Variants in NASP observed in about 807,000 individuals in gnomAD.
NASP encodes nuclear autoantigenic sperm protein.
A neutral mutation model predicts 89.5 loss-of-function variants in NASP; 24 were observed. The ratio of observed to expected loss-of-function variants is 0.27; its 90% CI spans 0.19 to 0.38. The LOEUF (loss-of-function observed/expected upper bound fraction) is 0.38, where lower values mean the gene tolerates loss of function less well. Among genes scored for constraint, NASP ranks in the 10% least tolerant of loss-of-function variants. NASP has a pLI of 1.00. For missense variants in NASP, 848 were observed against 921.4 expected, an observed-to-expected ratio of 0.92 and a Z score of 1.03; for synonymous variants, 306 against 324.7, an observed-to-expected ratio of 0.94 and a Z score of 0.62.
At chr1:45,599,522 G>A (rs1643783769) in intron 2 of NASP, among the ~76,000 whole-genome samples, 1 of 152,080 alleles carries the variant, frequency 6.6e-6, no homozygotes, top group African/African-American at 2.4e-5. Flanking sequence ...CTGCCTCCCT[G>A]GTTCAAGCAA....
At chr1:45,616,817 G>A in intron 13 of NASP, 114 bp downstream of exon 13, 1 of 1,025,000 alleles carries the variant, frequency 9.8e-7, no homozygotes, top group Non-Finnish European at 1.5e-6. Context: ...TTTTCCAAAG[G>A]TGGTAAGGAT....
At chr1:45,606,895 T>C (rs1643916245) in intron 5 of NASP, among the ~76,000 whole-genome samples, 1 of 152,258 alleles carries the variant, frequency 6.6e-6, no homozygotes, top group African/African-American at 2.4e-5. Context: ...TAAGTGTTTT[T>C]CTGATGCAAA....
In NASP at chr1:45,607,816, C is replaced by T. The variant is rs569085519; in HGVS notation, c.905C>T (p.Pro302Leu). ...AVEVEAESLD[P>L]TVKPVDVGGD... is the part of the protein sequence containing the mutation. ...GAGGTAGAAGCAGAGTCTTTAGACC[C>T]GACAGTCAAGCCAGTGGATGTGGGT... is the stretch of plus-strand genomic sequence containing the variant. Residue 302 changes from proline (P) to leucine (L), a missense_variant, in exon 6 of 15, where the codon CCG (proline) becomes CTG (leucine). Physicochemically the swap from Pro to Leu is moderately conservative, Grantham distance 98 (BLOSUM62 -3). Transcript: ENST00000350030. The T allele has an allele frequency of 1.9e-5, 31 of 1,613,996 alleles. No homozygotes were observed. The highest frequency in any genetic ancestry group is 2.3e-5 in the Non-Finnish European group (27 of 1,180,002).
At chr1:45,589,492 G>A (rs907658024) in intron 1 of NASP, among the ~76,000 whole-genome samples, 1 of 152,100 alleles carries the variant, frequency 6.6e-6, no homozygotes, top group Non-Finnish European at 1.5e-5. Flanking sequence ...ATTTCCTCTA[G>A]TACTTCTCTG....
chr1:45,607,095 A>G (rs989792506), intron 5 of NASP, among the ~76,000 whole-genome samples: 1 of 152,236 alleles, frequency 6.6e-6, no homozygotes, highest in Non-Finnish European at 1.5e-5. Flanking sequence ...ATGCTCAAGT[A>G]AAACAATACC....
chr1:45,611,100 C>T (rs1644000970), intron 6 of NASP: 1 of 152,144 alleles, frequency 6.6e-6, no homozygotes, highest in African/African-American at 2.4e-5. Context: ...GATGGATGGT[C>T]TTATTAACTC....
intron 6 of NASP, chr1:45,609,286 A>G (rs527656309): frequency 6.6e-6 from 1 of 152,302 alleles, no homozygotes; most frequent in East Asian, 1.9e-4. Context: ...CTACTTCAAG[A>G]GTTCTCGTAA....
chr1:45,588,509 A>T (rs1644590129), intron 1 of NASP: 1 of 302,508 alleles, frequency 3.3e-6, no homozygotes, highest in South Asian at 2.5e-5. Context: ...TCTGCCTTCC[A>T]AAGTGCAGGG....
At chr1:45,593,756 A>G (rs1328672123) in intron 2 of NASP, among the ~76,000 whole-genome samples, 1 of 151,464 alleles carries the variant, frequency 6.6e-6, no homozygotes, top group Non-Finnish European at 1.5e-5. Flanking sequence ...AGTAATCCCA[A>G]CACTTTGGGA....
intron 2 of NASP, among the ~76,000 whole-genome samples, chr1:45,600,949 C>A (rs1455211889): frequency 6.6e-6 from 1 of 152,134 alleles, no homozygotes; most frequent in Non-Finnish European, 1.5e-5. Context: ...ATGTTGGCAT[C>A]TTTTCATGTG....
intron 2 of NASP, among the ~76,000 whole-genome samples, chr1:45,595,733 A>G (rs1643679994): frequency 6.6e-6 from 1 of 152,234 alleles, no homozygotes; most frequent in Non-Finnish European, 1.5e-5. Context: ...GTTCTTCACT[A>G]TCACCTTCAC....
chr1:45,608,086 T>C lies in NASP; in HGVS notation c.1175T>C (p.Ile392Thr), dbSNP rs565006778. 1.5e-5 allele frequency: 24 copies of C among 1,613,988 alleles called. No homozygotes were observed. The highest frequency in any genetic ancestry group is 1.7e-4 in the Middle Eastern group (1 of 6,056). ...TCAGTTGTAGGAGATCAGACTCCTATTGAACCACAGACTTCTATAGAAAGA... is the reference window on the plus strand; with the variant it reads ...TCAGTTGTAGGAGATCAGACTCCTACTGAACCACAGACTTCTATAGAAAGA... ...GPSVVGDQTP[I>T]EPQTSIERLT... is the part of the protein sequence containing the mutation. The change falls in exon 6 of 15, where the codon ATT becomes ACT. Residue 392 changes from isoleucine to threonine, a missense_variant. Physicochemically the swap from Ile to Thr is moderately conservative, Grantham distance 89. Around this residue, in one of 5 missense-constraint regions of NASP, gnomAD observed 464 missense variants for 469.4 expected, o/e 0.99. Transcript: ENST00000350030.
chr1:45,589,267 A>G (rs1331047220), intron 1 of NASP, among the ~76,000 whole-genome samples: 3 of 152,140 alleles, frequency 2.0e-5, no homozygotes, highest in Non-Finnish European at 4.4e-5. Flanking sequence ...AGCTGGGACT[A>G]CAGGCATGTA....
intron 2 of NASP, among the ~76,000 whole-genome samples, chr1:45,599,881 A>G (rs78958925): frequency 0.011 from 1,617 of 151,860 alleles, 26 homozygotes; most frequent in African/African-American, 0.037. Context: ...CTGTTTCTCA[A>G]ATATTTTAAG....
At chr1:45,610,000 AC>A (rs1028263512) in intron 6 of NASP, 20 of 152,186 alleles carry the variant, frequency 1.3e-4, no homozygotes, top group African/African-American at 4.8e-4. Flanking sequence ...GAAGTTTGAG[AC>A]CAGCCTGGCC....
intron 1 of NASP, among the ~76,000 whole-genome samples, chr1:45,586,286 T>TGTGTGTGTGTGTGTGTG (rs1644544282): frequency 9.1e-5 from 8 of 88,338 alleles, no homozygotes; most frequent in African/African-American, 4.3e-4. Flanking sequence ...GTGTGTGTGG[T>TGTGTGTGTGTGTGTGTG]GTGTGTGTGT....
At position 45,584,135 on chromosome 1, in the gene NASP, C is replaced by T. The variant is rs1004602213; in HGVS notation, c.-12C>T. On this transcript the variant is annotated 5_prime_UTR_variant, in exon 1 of 15. Coordinates refer to ENST00000350030, the MANE Select transcript of NASP (RefSeq NM_002482.4). Reference sequence around the variant, plus strand: ...TCTATTCCGTTCGCTGGTTCGCCACCTCAGGGGAACGATGGCCATGGAGTC... The same window carrying T: ...TCTATTCCGTTCGCTGGTTCGCCACTTCAGGGGAACGATGGCCATGGAGTC... The T allele has an allele frequency of 2.5e-6, 4 of 1,588,212 alleles. No individual in the cohort carries two copies. The highest frequency in any genetic ancestry group is 2.3e-5 in the South Asian group (2 of 87,248).
chr1:45,613,151 A>C lies in NASP; in HGVS notation c.1427-18A>C. The C allele has an allele frequency of 6.3e-7, 1 of 1,599,328 alleles. No homozygotes were observed. Among genetic ancestry groups the C allele is most frequent in the South Asian group, 1.1e-5 (1 of 88,680 alleles). On this transcript the variant is annotated intron_variant, in intron 6 of 14. Transcript: ENST00000350030. ...GTTCTTAGTTATATTCTCAATACTG[A>C]GGAATTTTTACTTGTAGAAACTGAA...
rs571767551 is a variant in NASP at position 45,608,063 on chromosome 1, A to G, written c.1152A>G (p.Ser384=). ...LPKDGAVNGP[S]VVGDQTPIEP... ...AGGATGGTGCAGTCAATGGACCGTC[A>G]GTTGTAGGAGATCAGACTCCTATTG... is the stretch of plus-strand genomic sequence containing the variant. The change falls in exon 6 of 15, where the codon TCA becomes TCG. Residue 384 remains serine (S), a synonymous_variant. Transcript: ENST00000350030. 43 of 1,613,900 alleles carry G rather than the reference A, an allele frequency of 2.7e-5. No homozygotes were observed. The highest frequency in any genetic ancestry group is 3.6e-5 in the Non-Finnish European group (42 of 1,179,898).
Sources: gnomAD v4.1 joint callset for allele counts (sites outside exome capture counted in the v4.1 genomes callset) on GRCh38, gnomAD v4.1.1 for gene constraint, gnomAD v4.1.1 regional missense constraint, MANE v1.5 for transcripts, NCBI Gene and HGNC (gene_info 2026-07-23, HGNC 2026-07-21) for gene names.